The following ZFAND3 variants were observed in gnomAD, a reference collection of about 807,000 sequenced individuals.
ZFAND3 encodes the protein AN1-type zinc finger protein 3.
Under a neutral mutation model 29.6 loss-of-function variants are expected in ZFAND3, and 10 were observed. The observed-to-expected ratio is 0.34, with a 90% CI of 0.21 to 0.57. The LOEUF (loss-of-function observed/expected upper bound fraction) is 0.57, where lower values mean the gene tolerates loss of function less well. Ranked by LOEUF, ZFAND3 falls within the 20% of genes least tolerant of loss-of-function variation. The pLI is 0.86. For missense variants in ZFAND3, 230 were observed against 304.5 expected, an observed-to-expected ratio of 0.76 and a Z score of 1.82; for synonymous variants, 128 against 112.6, an observed-to-expected ratio of 1.14 and a Z score of -0.87.
chr6:37,866,974 A>G (rs897778767), intron 1 of ZFAND3, among the ~76,000 whole-genome samples: 1 of 152,196 alleles, frequency 6.6e-6, no homozygotes, highest in Non-Finnish European at 1.5e-5. Flanking sequence ...GAGAAGGCTT[A>G]TTTTGTCTGA....
At chr6:38,108,208 G>T (rs1765245305) in intron 4 of ZFAND3, among the ~76,000 whole-genome samples, 2 of 152,148 alleles carry the variant, frequency 1.3e-5, no homozygotes, top group South Asian at 4.1e-4. Flanking sequence ...GAAGTATTTT[G>T]ATGTATGTAG....
At chr6:38,026,052 G>C (rs938837451) in intron 2 of ZFAND3, among the ~76,000 whole-genome samples, 2 of 152,138 alleles carry the variant, frequency 1.3e-5, no homozygotes, top group African/African-American at 4.8e-5. Context: ...TATGTAAATT[G>C]TATCTCAATA....
rs76950020 is a variant in ZFAND3 at position 37,947,963 on chromosome 6, T to C, written c.112+17964T>C. ...TTCTGTTACTTCTATTTTTATTCCA[T>C]TGTGCTCAAGAAACATTTTGTATGA... On this transcript the variant is annotated intron_variant, in intron 2 of 5. Transcript: ENST00000287218. Among the ~76,000 whole-genome samples, 2,587 of 152,326 alleles carry C rather than the reference T, an allele frequency of 0.017. 254 individuals carry two copies. In the East Asian group the frequency reaches 0.28, roughly 16 times the overall value.
chr6:38,019,086 AG>A (rs1387407371), intron 2 of ZFAND3, among the ~76,000 whole-genome samples: 1 of 151,934 alleles, frequency 6.6e-6, no homozygotes, highest in Non-Finnish European at 1.5e-5. Context: ...CAGCCTCCCA[AG>A]TAGCTGAGAT....
At chr6:38,103,712 A>G (rs1052860650) in intron 4 of ZFAND3, among the ~76,000 whole-genome samples, 3 of 152,262 alleles carry the variant, frequency 2.0e-5, no homozygotes, top group Admixed American at 6.5e-5. Context: ...TCTTATGGTT[A>G]TAGACTGACT....
chr6:37,872,820 A>G (rs1764717841), intron 1 of ZFAND3, among the ~76,000 whole-genome samples: 1 of 152,214 alleles, frequency 6.6e-6, no homozygotes. Flanking sequence ...CTATTCCACA[A>G]AGTACTGCTT....
At chr6:37,882,619 C>T (rs998884518) in intron 1 of ZFAND3, among the ~76,000 whole-genome samples, 3 of 151,852 alleles carry the variant, frequency 2.0e-5, no homozygotes, top group African/African-American at 7.3e-5. Flanking sequence ...TCCCCACCAC[C>T]CCCATTTGTT....
In ZFAND3 at chr6:38,144,200, TATATATATATAATATATAATATA is replaced by T. The variant is rs1581957019; in HGVS notation, c.530-8034_530-8012del. Among the ~76,000 whole-genome samples, 8 of 41,216 alleles carry T rather than the reference TATATATATATAATATATAATATA, an allele frequency of 1.9e-4. 1 individual carries two copies. The highest frequency in any genetic ancestry group is 1.9e-3 in the East Asian group (6 of 3,194). The allele number at this position is 41,216 out of a possible 152,430, so 27.0% of individuals were successfully genotyped here. ...TATATATATAATATATATATATATA[TATATATATATAATATATAATATA>T]TATATATATTTTTTTTTTAATAAGG... On this transcript the variant is annotated intron_variant, in intron 5 of 5. Coordinates refer to ENST00000287218, the MANE Select transcript of ZFAND3 (RefSeq NM_021943.3).
chr6:37,865,177 C>G (rs1019294362), intron 1 of ZFAND3, among the ~76,000 whole-genome samples: 5 of 151,250 alleles, frequency 3.3e-5, no homozygotes, highest in Non-Finnish European at 7.4e-5. Context: ...CACTTCGTCT[C>G]AAAAAAAATA....
chr6:38,035,400 G>A (rs1284471314), intron 2 of ZFAND3, among the ~76,000 whole-genome samples: 4 of 152,066 alleles, frequency 2.6e-5, no homozygotes, highest in African/African-American at 7.2e-5. Flanking sequence ...CGTGTCTCAC[G>A]GTTTCTAAGC....
At chr6:37,823,693 C>T (rs2127363961) in intron 1 of ZFAND3, among the ~76,000 whole-genome samples, 1 of 152,240 alleles carries the variant, frequency 6.6e-6, no homozygotes, top group Non-Finnish European at 1.5e-5. Flanking sequence ...TTATAGAGGC[C>T]ATCTCCACTG....
At chr6:38,105,696 C>G (rs1765193573) in intron 4 of ZFAND3, among the ~76,000 whole-genome samples, 1 of 152,032 alleles carries the variant, frequency 6.6e-6, no homozygotes, top group African/African-American at 2.4e-5. Flanking sequence ...AGATGTTACC[C>G]TTGGGGAAAA....
At chr6:37,903,025 G>A (rs1043037934) in intron 1 of ZFAND3, among the ~76,000 whole-genome samples, 2 of 152,142 alleles carry the variant, frequency 1.3e-5, no homozygotes, top group African/African-American at 2.4e-5. Context: ...GCTGTGTGCA[G>A]TAATTTAGGA....
intron 4 of ZFAND3, among the ~76,000 whole-genome samples, chr6:38,115,512 A>G (rs934441172): frequency 3.3e-5 from 5 of 152,202 alleles, no homozygotes; most frequent in Non-Finnish European, 7.3e-5. Flanking sequence ...GGATGAGCAG[A>G]GAGACCAGTG....
chr6:38,141,199 G>A lies in ZFAND3; in HGVS notation c.530-11036G>A, dbSNP rs372123962. On this transcript the variant is annotated intron_variant, in intron 5 of 5. Transcript: ENST00000287218. ...CATAAAACAAGTGCATGTGATGCTG[G>A]CACAGTTTGGGTGAAAACATAGATT... 1.0e-3 allele frequency among the ~76,000 whole-genome samples: 159 copies of A among 152,322 alleles called. 7 individuals are homozygous for A. The South Asian group carries it at 0.031, about 30-fold the overall frequency.
chr6:37,966,047 G>A (rs909690137), intron 2 of ZFAND3, among the ~76,000 whole-genome samples: 7 of 152,216 alleles, frequency 4.6e-5, no homozygotes, highest in East Asian at 1.9e-4. Flanking sequence ...GCAGGTATGA[G>A]CCACATTTCC....
intron 5 of ZFAND3, among the ~76,000 whole-genome samples, chr6:38,140,310 G>A (rs1335129808): frequency 2.6e-5 from 4 of 152,128 alleles, no homozygotes; most frequent in Non-Finnish European, 5.9e-5. Context: ...CAAAAAGAAG[G>A]TCCAGCACTG....
intron 2 of ZFAND3, among the ~76,000 whole-genome samples, chr6:38,026,735 C>T (rs1456482740): frequency 6.6e-6 from 1 of 151,622 alleles, no homozygotes; most frequent in African/African-American, 2.4e-5. Flanking sequence ...CCGGCCAATC[C>T]AATTTTAGGA....
At chr6:37,946,303 C>T (rs1761900659) in intron 2 of ZFAND3, among the ~76,000 whole-genome samples, 1 of 152,134 alleles carries the variant, frequency 6.6e-6, no homozygotes, top group Admixed American at 6.5e-5. Flanking sequence ...TACCATGACT[C>T]AAGGTTTTGT....
Sources: allele counts gnomAD v4.1 joint callset (sites outside exome capture counted in the v4.1 genomes callset), GRCh38; gene constraint gnomAD v4.1.1; transcripts MANE v1.5; gene names NCBI Gene and HGNC (gene_info 2026-07-23, HGNC 2026-07-21).